ZCCHC4: variants seen among roughly 807,000 people sequenced by gnomAD.
ZCCHC4 encodes rRNA N(6)-adenosine-methyltransferase ZCCHC4.
In ZCCHC4, 54 loss-of-function variants were observed where a neutral mutation model predicts 67.7. The ratio of observed to expected loss-of-function variants is 0.80; its 90% CI spans 0.64 to 1.00. The LOEUF (loss-of-function observed/expected upper bound fraction) is 1.00. Among genes scored for constraint, ZCCHC4 ranks in the 50% least tolerant of loss-of-function variants. The pLI is 0.00. For synonymous variants in ZCCHC4, 198 were observed against 213.5 expected, an observed-to-expected ratio of 0.93 and a Z score of 0.63; for missense variants, 609 against 617.0, an observed-to-expected ratio of 0.99 and a Z score of 0.14.
rs200483042 is a variant in ZCCHC4, at chr4:25,362,594, G to A, written c.1209+293G>A. Among the ~76,000 whole-genome samples the A allele has an allele frequency of 1.4e-4, 22 of 152,254 alleles. No homozygotes were observed. In the East Asian group the frequency reaches 3.9e-3, roughly 27 times the overall value. ...ATGAATGCTCAATTATGTGTATGTTGAGGACAAAATTATGGTGTTTCAAAT... is the reference window on the plus strand; with the variant it reads ...ATGAATGCTCAATTATGTGTATGTTAAGGACAAAATTATGGTGTTTCAAAT... On this transcript the variant is annotated intron_variant, in intron 10 of 12. Transcript: ENST00000302874.
At chr4:25,365,479 TGAA>T in intron 12 of ZCCHC4, 1 of 1,063,354 alleles carries the variant, frequency 9.4e-7, no homozygotes, top group Admixed American at 4.9e-5. Flanking sequence ...CATGCTTTAT[TGAA>T]GGACATGATA....
chr4:25,313,227 C>T (rs1718049636), intron 1 of ZCCHC4, among the ~76,000 whole-genome samples: 1 of 152,128 alleles, frequency 6.6e-6, no homozygotes, highest in Non-Finnish European at 1.5e-5. Flanking sequence ...TTCTCGTTGA[C>T]AAGTACTTGG....
At chr4:25,366,160 T>G (rs939038750) in intron 12 of ZCCHC4, 24 of 983,728 alleles carry the variant, frequency 2.4e-5, no homozygotes, top group Middle Eastern at 5.2e-4. Flanking sequence ...CAGTGAAAAT[T>G]TTTTTTTCCA....
intron 5 of ZCCHC4, among the ~76,000 whole-genome samples, chr4:25,339,910 C>G (rs1719643340): frequency 6.6e-6 from 1 of 151,132 alleles, no homozygotes; most frequent in African/African-American, 2.4e-5. Context: ...CTTGCTGTCA[C>G]CCAGGCTGGA....
At chr4:25,333,637 T>C (rs1719300511) in intron 4 of ZCCHC4, among the ~76,000 whole-genome samples, 179 bp downstream of exon 4, 1 of 152,240 alleles carries the variant, frequency 6.6e-6, no homozygotes, top group Non-Finnish European at 1.5e-5. Flanking sequence ...GAGAAAAATC[T>C]TCATAGATTT....
rs556680324 is a variant in ZCCHC4, at chr4:25,364,634, T to C, written c.1261+129T>C. 3.7e-4 allele frequency: 318 copies of C among 859,434 alleles called. 1 individual carries two copies. Among genetic ancestry groups the C allele is most frequent in the Non-Finnish European group, 5.2e-4 (292 of 561,432 alleles). 53.2% of individuals were successfully genotyped at this position (859,434 alleles called of 1,614,324 possible). ...TGTAGAGACTTGTAATTTATTTGCT[T>C]TTTAATTTTATAGTTATCAGCATGT... is the stretch of plus-strand genomic sequence containing the variant. On this transcript the variant is annotated intron_variant, in intron 11 of 12. Coordinates refer to ENST00000302874, the MANE Select transcript of ZCCHC4 (RefSeq NM_024936.3).
chr4:25,328,222 C>T (rs190630826), intron 3 of ZCCHC4, among the ~76,000 whole-genome samples: 39 of 152,062 alleles, frequency 2.6e-4, no homozygotes, highest in Admixed American at 1.4e-3. Flanking sequence ...ATCTTTATCT[C>T]TGTTCGTCTG....
intron 5 of ZCCHC4, among the ~76,000 whole-genome samples, chr4:25,339,266 A>T (rs950044517): frequency 6.6e-6 from 1 of 152,208 alleles, no homozygotes; most frequent in South Asian, 2.1e-4. Flanking sequence ...GGGCTTCAAC[A>T]TAAGGATTTT....
chr4:25,326,429 A>AT (rs2109057614), intron 3 of ZCCHC4, among the ~76,000 whole-genome samples: 1 of 152,316 alleles, frequency 6.6e-6, no homozygotes, highest in African/African-American at 2.4e-5. Flanking sequence ...CAGGTTCCAT[A>AT]TTCTCTTTGG....
chr4:25,333,325 A>G lies in ZCCHC4; in HGVS notation c.472A>G (p.Ser158Gly), dbSNP rs1275300527. The G allele has an allele frequency of 1.2e-6, 2 of 1,614,164 alleles. No homozygotes were observed. The highest frequency in any genetic ancestry group is 1.7e-6 in the Non-Finnish European group (2 of 1,180,028). ...GTCCATTACCCAGTTAAGAAGGCCC[A>G]GTCAACTCCTTTATCCACTGGAAAA... ...NVSITQLRRP[S>G]QLLYPLENKK... is the part of the protein sequence containing the mutation. The change falls in exon 4 of 13, where the codon AGT (serine) becomes GGT (glycine). Residue 158 changes from serine to glycine, a missense_variant. Ser to Gly is a moderately conservative substitution (Grantham distance 56). Coordinates refer to ENST00000302874, the MANE Select transcript of ZCCHC4 (RefSeq NM_024936.3).
At chr4:25,331,480 A>AT (rs1719179281) in intron 3 of ZCCHC4, among the ~76,000 whole-genome samples, 1 of 151,944 alleles carries the variant, frequency 6.6e-6, no homozygotes. Flanking sequence ...AATTTTTAAA[A>AT]TTTTTTGTAG....
At chr4:25,352,048 T>G in intron 8 of ZCCHC4, 1 of 1,000,708 alleles carries the variant, frequency 1.0e-6, no homozygotes, top group Non-Finnish European at 1.2e-6. Context: ...GGTTCATCAT[T>G]ATGAACGTTG....
intron 3 of ZCCHC4, among the ~76,000 whole-genome samples, chr4:25,330,866 T>A (rs1719145156): frequency 6.6e-6 from 1 of 152,182 alleles, no homozygotes; most frequent in Admixed American, 6.5e-5. Context: ...TTCCCTTGCC[T>A]TGGGGAGTTT....
intron 8 of ZCCHC4, among the ~76,000 whole-genome samples, chr4:25,360,568 A>T (rs1291067201): frequency 6.6e-6 from 1 of 152,220 alleles, no homozygotes; most frequent in Non-Finnish European, 1.5e-5. Context: ...AGTGTGATGG[A>T]TGTGTTCATG....
intron 3 of ZCCHC4, among the ~76,000 whole-genome samples, chr4:25,319,735 C>G (rs1433394382): frequency 6.6e-6 from 1 of 151,914 alleles, no homozygotes; most frequent in Non-Finnish European, 1.5e-5. Context: ...GCAGTTCATT[C>G]TCATGTGTAA....
Position 25,361,724 on chromosome 4 carries a change from C to T in ZCCHC4, c.1012-135C>T, listed in dbSNP as rs574384409. 7.4e-5 allele frequency: 67 copies of T among 906,846 alleles called. No individual in the cohort carries two copies. In the African/African-American group the frequency reaches 1.1e-3, roughly 15 times the overall value. The allele number at this position is 906,846 out of a possible 1,614,324, so 56.2% of individuals were successfully genotyped here. On this transcript the variant is annotated intron_variant, in intron 8 of 12. Transcript: ENST00000302874. ...CACTCCCCTCAGTCCTCAGCTTGGA[C>T]TGGAACCTGACACTTGGCATGACAA...
chr4:25,360,688 C>G (rs754936766), intron 8 of ZCCHC4, among the ~76,000 whole-genome samples: 1 of 152,206 alleles, frequency 6.6e-6, no homozygotes, highest in South Asian at 2.1e-4. Context: ...AGCAGAGTTG[C>G]AAGAGGTCTT....
chr4:25,320,731 G>T (rs1718539681), intron 3 of ZCCHC4, among the ~76,000 whole-genome samples: 1 of 152,210 alleles, frequency 6.6e-6, no homozygotes, highest in African/African-American at 2.4e-5. Context: ...ATATGCACAA[G>T]ATCTCAGTTT....
intron 11 of ZCCHC4, 43 bp from the exon 12 acceptor site, chr4:25,364,979 A>G (rs772781219): frequency 1.2e-6 from 2 of 1,609,732 alleles, no homozygotes; most frequent in Admixed American, 3.4e-5. Context: ...ATGAAAAATT[A>G]CGTTACATGA....
Sources: gnomAD v4.1 joint callset for allele counts (sites outside exome capture counted in the v4.1 genomes callset) on GRCh38, gnomAD v4.1.1 for gene constraint, MANE v1.5 for transcripts, NCBI Gene and HGNC (gene_info 2026-07-23, HGNC 2026-07-21) for gene names.